The following GPC5 variants were observed in gnomAD, a reference collection of about 807,000 sequenced individuals.
GPC5 encodes glypican-5.
Under a neutral mutation model 53.9 loss-of-function variants are expected in GPC5, and 47 were observed. The ratio of observed to expected loss-of-function variants is 0.87; its 90% confidence interval spans 0.69 to 1.11. The LOEUF is 1.11. GPC5 is among the 50% of genes most tolerant of loss of function. The pLI, the probability that GPC5 is intolerant of heterozygous loss-of-function variation, is 0.00. For missense variants in GPC5, 748 were observed against 713.1 expected (o/e 1.05, Z -0.56); for synonymous variants, 286 against 263.3 (o/e 1.09, Z -0.84).
intron 2 of GPC5, among the ~76,000 whole-genome samples, chr13:91,628,509 T>C (rs1013494344): frequency 2.2e-5 from 1 of 46,358 alleles, no homozygotes; most frequent in African/African-American, 3.4e-5. Flanking sequence ...TGTCTATCTC[T>C]CTATCTATCT....
At chr13:92,832,352 A>T (rs1343423915) in intron 7 of GPC5, among the ~76,000 whole-genome samples, 1 of 152,228 alleles carries the variant, frequency 6.6e-6, no homozygotes, top group East Asian at 1.9e-4. Context: ...AGATGGAAGA[A>T]CTAAAAACTA....
At chr13:92,565,846 A>G (rs1882847471) in intron 7 of GPC5, among the ~76,000 whole-genome samples, 1 of 151,978 alleles carries the variant, frequency 6.6e-6, no homozygotes, top group Non-Finnish European at 1.5e-5. Context: ...AAGTTTTTTT[A>G]AAAAGATTTT....
rs543789340 is a variant in GPC5, at chr13:91,766,616, G to A, written c.1280+10196G>A. ...GGTGGCTCATGCCTGTAATCCCAGC[G>A]CTTCGGGAGGCTGAGGTGGGCAGAA... On this transcript the variant is annotated intron_variant, in intron 5 of 7. Coordinates refer to ENST00000377067, the MANE Select transcript of GPC5 (RefSeq NM_004466.6). 1.1e-4 allele frequency among the ~76,000 whole-genome samples: 16 copies of A among 152,204 alleles called. No individual in the cohort carries two copies. The South Asian group carries it at 1.2e-3, about 12-fold the overall frequency.
intron 1 of GPC5, among the ~76,000 whole-genome samples, chr13:91,435,548 G>T (rs1248566269): frequency 1.3e-5 from 2 of 152,176 alleles, no homozygotes; most frequent in African/African-American, 4.8e-5. Context: ...ACTTGATCAT[G>T]GTGGATAAGC....
intron 2 of GPC5, among the ~76,000 whole-genome samples, chr13:91,555,290 C>A (rs2030879999): frequency 6.6e-6 from 1 of 152,042 alleles, no homozygotes; most frequent in Non-Finnish European, 1.5e-5. Flanking sequence ...TTGACTCCTG[C>A]ATGCCAAGGT....
intron 7 of GPC5, among the ~76,000 whole-genome samples, chr13:92,604,013 G>A (rs918582653): frequency 6.6e-6 from 1 of 152,090 alleles, no homozygotes; most frequent in African/African-American, 2.4e-5. Context: ...GCTTACCTAC[G>A]TGCTCAAAAA....
intron 7 of GPC5, among the ~76,000 whole-genome samples, chr13:92,265,191 G>A (rs2042795059): frequency 6.6e-6 from 1 of 151,934 alleles, no homozygotes; most frequent in African/African-American, 2.4e-5. Flanking sequence ...CTCTCAAACA[G>A]TTTTAAAATT....
At chr13:92,780,191 C>T (rs1411663688) in intron 7 of GPC5, among the ~76,000 whole-genome samples, 1 of 151,872 alleles carries the variant, frequency 6.6e-6, no homozygotes, top group Non-Finnish European at 1.5e-5. Flanking sequence ...GAATTTTTAT[C>T]ATTTAAAACT....
chr13:91,916,729 G>C (rs1004970014), intron 6 of GPC5, among the ~76,000 whole-genome samples: 12 of 152,124 alleles, frequency 7.9e-5, no homozygotes, highest in Non-Finnish European at 1.5e-4. Context: ...CATGAGAGAA[G>C]CCACCTCTTC....
At chr13:91,448,244 G>A (rs1056688549) in intron 1 of GPC5, among the ~76,000 whole-genome samples, 1 of 152,166 alleles carries the variant, frequency 6.6e-6, no homozygotes, top group Non-Finnish European at 1.5e-5. Context: ...TGATCTCCCA[G>A]CATGTCATTA....
intron 7 of GPC5, among the ~76,000 whole-genome samples, chr13:92,180,345 C>T (rs969942730): frequency 6.6e-6 from 1 of 151,986 alleles, no homozygotes; most frequent in African/African-American, 2.4e-5. Flanking sequence ...AAATAATATC[C>T]AATAAAACAA....
intron 7 of GPC5, among the ~76,000 whole-genome samples, chr13:92,328,039 G>T (rs1340323682): frequency 6.6e-6 from 1 of 152,058 alleles, no homozygotes; most frequent in Non-Finnish European, 1.5e-5. Context: ...GCTTCTTCAG[G>T]GCAAAAGGAG....
chr13:92,299,079 T>C (rs1239029271), intron 7 of GPC5, among the ~76,000 whole-genome samples: 1 of 152,186 alleles, frequency 6.6e-6, no homozygotes, highest in African/African-American at 2.4e-5. Context: ...TTCAGTGTGT[T>C]AAAATAACTT....
intron 7 of GPC5, among the ~76,000 whole-genome samples, chr13:92,643,032 G>A (rs1234295326): frequency 6.6e-5 from 10 of 152,142 alleles, no homozygotes; most frequent in African/African-American, 2.4e-4. Context: ...CTTTTGAGAA[G>A]TGTCTGTTCA....
At chr13:92,835,361 A>ATTTC (rs1178910977) in intron 7 of GPC5, among the ~76,000 whole-genome samples, 2 of 151,850 alleles carry the variant, frequency 1.3e-5, no homozygotes, top group Admixed American at 6.6e-5. Context: ...AATTCTCCAA[A>ATTTC]TTTCTTCTAT....
chr13:92,225,417 A>G (rs2042478028), intron 7 of GPC5, among the ~76,000 whole-genome samples: 2 of 152,192 alleles, frequency 1.3e-5, no homozygotes, highest in South Asian at 4.1e-4. Flanking sequence ...GGTTTTTGAT[A>G]AGAATGCCAT....
At chr13:92,836,776 C>A (rs1878233586) in intron 7 of GPC5, among the ~76,000 whole-genome samples, 1 of 151,852 alleles carries the variant, frequency 6.6e-6, no homozygotes, top group Non-Finnish European at 1.5e-5. Context: ...TATAAGACAC[C>A]TGGATGCTCA....
At chr13:91,612,735 T>G (rs908908346) in intron 2 of GPC5, among the ~76,000 whole-genome samples, 1 of 152,214 alleles carries the variant, frequency 6.6e-6, no homozygotes, top group African/African-American at 2.4e-5. Context: ...AGTATTAAGT[T>G]GATCATAACT....
At chr13:91,962,670 G>A (rs1024669278) in intron 6 of GPC5, among the ~76,000 whole-genome samples, 1 of 152,014 alleles carries the variant, frequency 6.6e-6, no homozygotes, top group Non-Finnish European at 1.5e-5. Flanking sequence ...AGTAGTTGTA[G>A]CTATAACCTA....
Sources: allele counts gnomAD v4.1 joint callset (sites outside exome capture counted in the v4.1 genomes callset), GRCh38; gene constraint gnomAD v4.1.1; transcripts MANE v1.5; gene names NCBI Gene and HGNC (gene_info 2026-07-23, HGNC 2026-07-21).